SGCZ: variants seen among roughly 807,000 people sequenced by gnomAD.
The protein encoded by SGCZ is zeta-sarcoglycan.
Under a neutral mutation model 41.3 loss-of-function variants are expected in SGCZ, and 40 were observed. The ratio of observed to expected loss-of-function variants is 0.97; its 90% CI spans 0.75 to 1.26. The LOEUF (loss-of-function observed/expected upper bound fraction) is 1.26, where lower values mean the gene tolerates loss of function less well. Ranked by LOEUF, SGCZ falls within the 50% of genes most tolerant of loss-of-function variation. The pLI is 0.00. For missense variants in SGCZ, 552 were observed against 369.8 expected, an observed-to-expected ratio of 1.49 and a Z score of -4.04; for synonymous variants, 206 against 137.5, an observed-to-expected ratio of 1.50 and a Z score of -3.49.
chr8:15,143,768 C>CTTT (rs1202683929), intron 1 of SGCZ, among the ~76,000 whole-genome samples: 1 of 6,422 alleles, frequency 1.6e-4, no homozygotes, highest in African/African-American at 1.6e-4. Flanking sequence ...CTATTATTAC[C>CTTT]TTTTTTTTTT....
At chr8:14,311,378 T>C (rs771522979) in intron 3 of SGCZ, among the ~76,000 whole-genome samples, 4 of 152,082 alleles carry the variant, frequency 2.6e-5, no homozygotes, top group Non-Finnish European at 5.9e-5. Flanking sequence ...AGTACTACCA[T>C]CCTGTCCCTG....
intron 5 of SGCZ, among the ~76,000 whole-genome samples, chr8:14,138,946 G>T (rs778637301): frequency 6.6e-6 from 1 of 152,086 alleles, no homozygotes; most frequent in Non-Finnish European, 1.5e-5. Flanking sequence ...CGAAAGTATA[G>T]CACTCCTCAG....
chr8:15,062,791 C>A (rs981015211), intron 1 of SGCZ, among the ~76,000 whole-genome samples: 7 of 152,128 alleles, frequency 4.6e-5, no homozygotes, highest in Non-Finnish European at 7.4e-5. Context: ...TTTTTACAGT[C>A]TTACGTATAG....
intron 1 of SGCZ, among the ~76,000 whole-genome samples, chr8:14,846,900 T>A (rs370513156): frequency 6.6e-6 from 1 of 151,756 alleles, no homozygotes. Context: ...TGAAACGACA[T>A]CTCTACTAAA....
chr8:14,884,906 G>C (rs929004639), intron 1 of SGCZ, among the ~76,000 whole-genome samples: 2 of 152,002 alleles, frequency 1.3e-5, no homozygotes, highest in Non-Finnish European at 2.9e-5. Context: ...TAGACAGGCA[G>C]ACAGGCGCGT....
intron 2 of SGCZ, among the ~76,000 whole-genome samples, chr8:14,423,967 C>A (rs967843995): frequency 1.3e-5 from 2 of 152,058 alleles, no homozygotes; most frequent in South Asian, 4.1e-4. Context: ...AACAGAAGAA[C>A]TAAAGTGTTA....
Position 14,615,012 on chromosome 8 carries a change from G to A in SGCZ, c.40-60086C>T, listed in dbSNP as rs62493083. On this transcript the variant is annotated intron_variant, in intron 1 of 7. Coordinates refer to ENST00000382080, the MANE Select transcript of SGCZ (RefSeq NM_139167.4). ...TGTGTGTATATATGTGTGTGTGTGT[G>A]TATATATATATATGAAAGCTTGTTA... 1.4e-4 allele frequency among the ~76,000 whole-genome samples: 18 copies of A among 130,924 alleles called. 1 individual carries two copies. The East Asian group carries it at 1.8e-3, about 13-fold the overall frequency. 85.9% of individuals were successfully genotyped at this position (130,924 alleles called of 152,430 possible). A position where few individuals can be genotyped will look rare whatever the true frequency, so the allele number is the denominator to read the frequency against.
At chr8:14,348,016 T>C (rs917393288) in intron 2 of SGCZ, among the ~76,000 whole-genome samples, 1 of 152,112 alleles carries the variant, frequency 6.6e-6, no homozygotes, top group Non-Finnish European at 1.5e-5. Context: ...CTTCTCTACA[T>C]ACTTTCTTAG....
intron 1 of SGCZ, among the ~76,000 whole-genome samples, chr8:15,080,682 TG>T (rs1805711123): frequency 6.6e-6 from 1 of 152,046 alleles, no homozygotes; most frequent in African/African-American, 2.4e-5. Flanking sequence ...CCTCCGCCTC[TG>T]GGGTTCAAGC....
At chr8:15,094,834 T>A (rs1313230874) in intron 1 of SGCZ, among the ~76,000 whole-genome samples, 1 of 152,172 alleles carries the variant, frequency 6.6e-6, no homozygotes, top group Non-Finnish European at 1.5e-5. Flanking sequence ...TTCTCTCTCC[T>A]GCCACCCTGT....
At chr8:14,467,351 G>A (rs1801080444) in intron 2 of SGCZ, among the ~76,000 whole-genome samples, 3 of 151,976 alleles carry the variant, frequency 2.0e-5, no homozygotes, top group Non-Finnish European at 4.4e-5. Context: ...AACAATGGGG[G>A]CAAGTGCAAA....
chr8:14,787,464 G>C (rs1414179051), intron 1 of SGCZ, among the ~76,000 whole-genome samples: 1 of 151,946 alleles, frequency 6.6e-6, no homozygotes. Flanking sequence ...AAAATAAAAA[G>C]TTGTAAACTT....
chr8:14,976,367 C>T (rs1451382659), intron 1 of SGCZ, among the ~76,000 whole-genome samples: 2 of 152,076 alleles, frequency 1.3e-5, no homozygotes, highest in South Asian at 2.1e-4. Flanking sequence ...ATATGTGTGA[C>T]ACTTTTTAGA....
At chr8:14,718,927 T>C (rs184933025) in intron 1 of SGCZ, among the ~76,000 whole-genome samples, 1 of 149,758 alleles carries the variant, frequency 6.7e-6, no homozygotes, top group Admixed American at 6.7e-5. Flanking sequence ...CATGTATACA[T>C]GTGCCATGCT....
At chr8:14,741,202 G>A (rs1369257859) in intron 1 of SGCZ, among the ~76,000 whole-genome samples, 3 of 151,898 alleles carry the variant, frequency 2.0e-5, no homozygotes, top group Non-Finnish European at 4.4e-5. Flanking sequence ...GAGGTGAGGG[G>A]ATCCTTATCC....
At chr8:15,076,114 A>C (rs79786870) in intron 1 of SGCZ, among the ~76,000 whole-genome samples, 17,159 of 152,218 alleles carry the variant, frequency 0.11, 1,019 homozygotes, top group South Asian at 0.21. Context: ...ACATCTATGA[A>C]GATGAAGAAA....
intron 1 of SGCZ, among the ~76,000 whole-genome samples, chr8:15,091,264 C>G (rs2131063004): frequency 6.6e-6 from 1 of 152,212 alleles, no homozygotes; most frequent in East Asian, 1.9e-4. Context: ...AAGTGGTCCT[C>G]CCAACTTAGC....
At chr8:14,236,061 C>T (rs1455059852) in intron 4 of SGCZ, among the ~76,000 whole-genome samples, 2 of 152,172 alleles carry the variant, frequency 1.3e-5, no homozygotes, top group African/African-American at 4.8e-5. Context: ...TTCTATCTGG[C>T]TGAAGAGTTC....
intron 2 of SGCZ, among the ~76,000 whole-genome samples, chr8:14,426,584 TG>T (rs1799789406): frequency 6.6e-6 from 1 of 152,102 alleles, no homozygotes; most frequent in African/African-American, 2.4e-5. Flanking sequence ...GGAGAAGTTT[TG>T]TTTGTTATTT....
Sources: gnomAD v4.1 joint callset for allele counts (sites outside exome capture counted in the v4.1 genomes callset) on GRCh38, gnomAD v4.1.1 for gene constraint, MANE v1.5 for transcripts, NCBI Gene and HGNC (gene_info 2026-07-23, HGNC 2026-07-21) for gene names.